TFRC: variants seen among roughly 807,000 people sequenced by gnomAD.
TFRC encodes transferrin receptor protein 1.
A neutral mutation model predicts 85.8 loss-of-function variants in TFRC; 35 were observed. The observed-to-expected ratio is 0.41, with a 90% CI of 0.31 to 0.54. The LOEUF is 0.54. Ranked by LOEUF, TFRC falls within the 20% of genes least tolerant of loss-of-function variation. The probability of loss-of-function intolerance (pLI) is 0.31; values close to 1 mark genes in which losing one functional copy is unlikely to be tolerated. For synonymous variants in TFRC, 362 were observed against 328.6 expected, an observed-to-expected ratio of 1.10 and a Z score of -1.10; for missense variants, 828 against 921.5, an observed-to-expected ratio of 0.90 and a Z score of 1.31.
intron 3 of TFRC, chr3:196,074,391 C>T: frequency 3.6e-6 from 1 of 275,978 alleles, no homozygotes; most frequent in Non-Finnish European, 6.7e-6. Context: ...AGCTGCTGCA[C>T]CGCCAGTGTC....
intron 9 of TFRC, among the ~76,000 whole-genome samples, chr3:196,067,216 A>C (rs1717807526): frequency 6.6e-6 from 1 of 152,268 alleles, no homozygotes; most frequent in South Asian, 2.1e-4. Context: ...ATGGGCTGCT[A>C]TAGGCATCGT....
Position 196,068,142 on chromosome 3 carries a change from C to G in TFRC, c.802-12G>C. The stretch of plus-strand genomic sequence containing the variant: ...TCAGCATTTGCAACCTAAAAGAAAA[C>G]ATATAAAGCTCAGAAAATGAAGATC... On this transcript the variant is annotated splice_polypyrimidine_tract_variant and intron_variant, in intron 7 of 18. Transcript: ENST00000360110. The G allele has an allele frequency of 6.3e-7, 1 of 1,594,122 alleles. No homozygotes were observed. Among genetic ancestry groups the G allele is most frequent in the East Asian group, 2.2e-5 (1 of 44,670 alleles).
At chr3:196,074,614 C>T (rs1235564239) in intron 3 of TFRC, among the ~76,000 whole-genome samples, 5 of 152,296 alleles carry the variant, frequency 3.3e-5, no homozygotes, top group Admixed American at 6.5e-5. Flanking sequence ...GGGAAAGTGG[C>T]TCATGCCTGT....
chr3:196,052,262 A>G (rs914307943), intron 18 of TFRC, 78 bp from the exon 19 acceptor site: 1 of 1,424,498 alleles, frequency 7.0e-7, no homozygotes, highest in Non-Finnish European at 9.5e-7. Flanking sequence ...TCAAATGTAA[A>G]ATGTCCCAAA....
At chr3:196,070,330 T>C (rs1159422927) in intron 6 of TFRC, among the ~76,000 whole-genome samples, 7 of 150,878 alleles carry the variant, frequency 4.6e-5, no homozygotes, top group Non-Finnish European at 8.8e-5. Context: ...AATGGCGCAA[T>C]ATCCGCTCAC....
intron 2 of TFRC, among the ~76,000 whole-genome samples, chr3:196,076,576 A>C (rs910511094): frequency 1.3e-5 from 2 of 151,792 alleles, no homozygotes; most frequent in African/African-American, 4.8e-5. Context: ...CAGCCTCCCA[A>C]GTAGCTGGGA....
In TFRC at chr3:196,051,727, A is replaced by G. The variant is rs1261563271; in HGVS notation, c.*215T>C. ...TCTAGAGATAGGGGAATATTCCATC[A>G]TGGACATTTTTTAAGTGGTTATTCA... On this transcript the variant is annotated 3_prime_UTR_variant, in exon 19 of 19. Transcript: ENST00000360110. 3.6e-6 allele frequency: 2 copies of G among 548,270 alleles called. No individual in the cohort carries two copies. The highest frequency in any genetic ancestry group is 3.4e-5 in the Admixed American group (1 of 29,022). The allele number at this position is 548,270 out of a possible 1,614,324, so 34.0% of individuals were successfully genotyped here.
chr3:196,063,958 A>C (rs1399534851), intron 11 of TFRC, among the ~76,000 whole-genome samples: 1 of 152,218 alleles, frequency 6.6e-6, no homozygotes, highest in African/African-American at 2.4e-5. Context: ...CAAAATTTCA[A>C]TAGCTGTTAG....
Position 196,065,504 on chromosome 3 carries a change from A to G in TFRC, c.1137T>C (p.Asn379=). The stretch of plus-strand genomic sequence containing the variant: ...TAAGAATTTTTATCTCTTTCAGCAC[A>G]TTGCTCACAGTGAGCTTCACATTCT... The part of the protein sequence containing the change: ...ESKNVKLTVS[N]VLKEIKILNI... Residue 379 remains asparagine, a synonymous_variant, in exon 10 of 19, where the codon AAT becomes AAC. Coordinates refer to ENST00000360110, the MANE Select transcript of TFRC (RefSeq NM_001128148.3). The G allele has an allele frequency of 6.3e-7, 1 of 1,599,530 alleles. No individual in the cohort carries two copies. Among genetic ancestry groups the G allele is most frequent in the East Asian group, 2.3e-5 (1 of 43,674 alleles).
At chr3:196,068,169 G>T in intron 7 of TFRC, 39 bp from the exon 8 acceptor site, 1 of 1,492,572 alleles carries the variant, frequency 6.7e-7, no homozygotes, top group South Asian at 1.2e-5. Flanking sequence ...ATGAAGATCT[G>T]ATCATACGAA....
chr3:196,053,502 A>G lies in TFRC; in HGVS notation c.1956T>C (p.Ala652=), dbSNP rs1716516965. The G allele has an allele frequency of 1.2e-6, 2 of 1,614,108 alleles. No individual in the cohort carries two copies. The highest frequency in any genetic ancestry group is 1.1e-5 in the South Asian group (1 of 91,094). The part of the protein sequence containing the change: ...LYSARGDFFR[A]TSRLTTDFGN... ...CGAAATCTGTTGTTAGTCTGGAAGTAGCACGGAAGAAGTCTCCACGAGCAG... is the reference window on the plus strand; with the variant it reads ...CGAAATCTGTTGTTAGTCTGGAAGTGGCACGGAAGAAGTCTCCACGAGCAG... Residue 652 remains alanine (A), a synonymous_variant, in exon 18 of 19, where the codon GCT becomes GCC. Transcript: ENST00000360110.
intron 8 of TFRC, 108 bp downstream of exon 8, chr3:196,067,924 C>T: frequency 1.1e-6 from 1 of 911,274 alleles, no homozygotes; most frequent in Non-Finnish European, 1.7e-6. Context: ...TAACGCCCTC[C>T]CAGAAAAAAG....
At chr3:196,060,127 G>T in intron 14 of TFRC, 53 bp downstream of exon 14, 2 of 1,440,926 alleles carry the variant, frequency 1.4e-6, no homozygotes, top group Non-Finnish European at 1.9e-6. Context: ...TTTATCTCAG[G>T]TTGATTCAAC....
chr3:196,059,879 T>C (rs1203944024), intron 14 of TFRC, among the ~76,000 whole-genome samples: 5 of 151,822 alleles, frequency 3.3e-5, no homozygotes, highest in African/African-American at 9.7e-5. Flanking sequence ...ATAGTTCAAG[T>C]TGATTTAAGC....
chr3:196,062,499 C>G, intron 13 of TFRC, 83 bp downstream of exon 13: 1 of 1,278,300 alleles, frequency 7.8e-7, no homozygotes, highest in African/African-American at 1.5e-5. Context: ...TGCCATTGCA[C>G]TCCAGCCTGG....
chr3:196,051,905 T>C lies in TFRC; in HGVS notation c.*37A>G, dbSNP rs1368657966. ...ATCAGCACAAGTCTAGAAACCAGAC[T>C]ACCCTGCTGTTCTCATGGAAGCTAT... On this transcript the variant is annotated 3_prime_UTR_variant, in exon 19 of 19. Transcript: ENST00000360110. 1.2e-6 allele frequency: 2 copies of C among 1,600,444 alleles called. No homozygotes were observed. Among genetic ancestry groups the C allele is most frequent in the East Asian group, 2.2e-5 (1 of 44,690 alleles).
At chr3:196,075,073 A>C in intron 3 of TFRC, 86 bp downstream of exon 3, 11 of 944,562 alleles carry the variant, frequency 1.2e-5, no homozygotes, top group Non-Finnish European at 1.6e-5. Context: ...AAAATAAGGT[A>C]CAAAATAACT....
In TFRC at chr3:196,054,701, G is replaced by C. The variant is rs115844429; in HGVS notation, c.1899+379C>G. On this transcript the variant is annotated intron_variant, in intron 17 of 18. Transcript: ENST00000360110. ...AGAATATTTGACTTTTAGATGCGCA[G>C]ATCACTACGAGATGGAATCCTGCTA... 3.7e-3 allele frequency among the ~76,000 whole-genome samples: 567 copies of C among 152,322 alleles called. 2 individuals carry two copies. The highest frequency in any genetic ancestry group is 4.4e-3 in the Non-Finnish European group (301 of 68,022).
intron 13 of TFRC, 158 bp from the exon 14 acceptor site, chr3:196,060,405 G>A: frequency 1.5e-6 from 1 of 650,230 alleles, no homozygotes; most frequent in Non-Finnish European, 2.7e-6. Flanking sequence ...AAGTAATTTT[G>A]GTATCAAGCT....
Sources: gnomAD v4.1 joint callset for allele counts (sites outside exome capture counted in the v4.1 genomes callset) on GRCh38, gnomAD v4.1.1 for gene constraint, MANE v1.5 for transcripts, NCBI Gene and HGNC (gene_info 2026-07-23, HGNC 2026-07-21) for gene names.